RERE: variants seen among roughly 807,000 people sequenced by gnomAD.
RERE encodes arginine-glutamic acid dipeptide repeats, also known as arginine-glutamic acid dipeptide repeats protein.
RERE carries 40 observed loss-of-function variants against 146.1 expected under a neutral mutation model. The observed-to-expected ratio is 0.27, with a 90% CI of 0.21 to 0.36. The LOEUF is 0.36. Ranked by LOEUF, RERE falls within the 10% of genes least tolerant of loss-of-function variation. RERE has a pLI of 1.00. For synonymous variants in RERE, 1,003 were observed against 866.0 expected (o/e 1.16, Z -2.78); for missense variants, 1,933 against 2,138.7 (o/e 0.90, Z 1.90).
At chr1:8,458,475 A>G (rs1416372599) in intron 11 of RERE, among the ~76,000 whole-genome samples, 1 of 152,202 alleles carries the variant, frequency 6.6e-6, no homozygotes, top group African/African-American at 2.4e-5. Context: ...GATTATCCCA[A>G]GCAGCCAGGA....
At chr1:8,809,628 T>C (rs1403480732) in intron 1 of RERE, among the ~76,000 whole-genome samples, 1 of 152,206 alleles carries the variant, frequency 6.6e-6, no homozygotes, top group African/African-American at 2.4e-5. Flanking sequence ...CTCACAGAGG[T>C]TAACTGGCAT....
intron 2 of RERE, among the ~76,000 whole-genome samples, chr1:8,626,690 A>G (rs1459885748): frequency 6.6e-6 from 1 of 152,116 alleles, no homozygotes; most frequent in East Asian, 1.9e-4. Context: ...CTTCTCCTCC[A>G]CACAGAAACA....
rs534290626 is a variant in RERE, at chr1:8,445,793, G to A, written c.1203+20132C>T. Among the ~76,000 whole-genome samples the A allele has an allele frequency of 2.0e-5, 3 of 151,930 alleles. No homozygotes were observed. In the South Asian group the frequency reaches 6.2e-4, roughly 32 times the overall value. ...CCCATCAACCCATCATCTACATTAG[G>A]TATTTTTCCTAATGCTATCCCTCCC... On this transcript the variant is annotated intron_variant, in intron 11 of 22. Transcript: ENST00000400908.
intron 2 of RERE, among the ~76,000 whole-genome samples, chr1:8,652,109 G>A (rs1030183164): frequency 1.3e-5 from 2 of 152,200 alleles, no homozygotes; most frequent in Admixed American, 6.5e-5. Context: ...TCACCAAAAC[G>A]AAAGGAAACC....
intron 4 of RERE, among the ~76,000 whole-genome samples, chr1:8,608,320 T>C (rs922319086): frequency 2.0e-5 from 3 of 152,120 alleles, no homozygotes; most frequent in South Asian, 2.1e-4. Flanking sequence ...CTGGGCAACA[T>C]AGGGAGACCC....
intron 1 of RERE, among the ~76,000 whole-genome samples, chr1:8,770,024 A>C (rs1440758007): frequency 2.0e-5 from 3 of 152,156 alleles, no homozygotes; most frequent in Non-Finnish European, 2.9e-5. Context: ...TCCCGACCTC[A>C]GGTAATCCAC....
chr1:8,789,707 C>T (rs1381951677), intron 1 of RERE, among the ~76,000 whole-genome samples: 1 of 152,140 alleles, frequency 6.6e-6, no homozygotes, highest in Non-Finnish European at 1.5e-5. Flanking sequence ...TTCCTCCCCA[C>T]AAATTCTGTA....
intron 10 of RERE, among the ~76,000 whole-genome samples, chr1:8,476,931 A>G (rs1644764344): frequency 6.6e-6 from 1 of 152,230 alleles, no homozygotes; most frequent in Non-Finnish European, 1.5e-5. Flanking sequence ...AAATGGTAAT[A>G]ATGTTAATAC....
intron 7 of RERE, among the ~76,000 whole-genome samples, chr1:8,518,443 T>G (rs1645449201): frequency 6.6e-6 from 1 of 152,206 alleles, no homozygotes; most frequent in Admixed American, 6.5e-5. Context: ...GCAGACATTC[T>G]TATCTTTTCC....
intron 1 of RERE, among the ~76,000 whole-genome samples, chr1:8,665,952 C>T (rs74050266): frequency 0.026 from 3,939 of 152,220 alleles, 155 homozygotes; most frequent in African/African-American, 0.089. Context: ...TATATCTTAT[C>T]AATGCAAAAG....
intron 11 of RERE, among the ~76,000 whole-genome samples, chr1:8,461,947 C>T (rs1170690183): frequency 6.6e-6 from 1 of 152,044 alleles, no homozygotes. Context: ...TGGACTCAAG[C>T]GATTCTCCAA....
intron 2 of RERE, among the ~76,000 whole-genome samples, chr1:8,645,926 A>G (rs975909849): frequency 2.0e-5 from 3 of 152,386 alleles, no homozygotes; most frequent in Middle Eastern, 3.4e-3. Context: ...ATTTCAAAAG[A>G]AACAGAAGAA....
In RERE at chr1:8,359,886, C is replaced by G. The variant is rs776682037; in HGVS notation, c.3496G>C (p.Ala1166Pro). The change falls in exon 19 of 23, where the codon GCC (alanine) becomes CCC (proline). Residue 1166 changes from alanine (A) to proline (P), a missense_variant. Ala to Pro is a conservative substitution (Grantham distance 27). Coordinates refer to ENST00000400908, the MANE Select transcript of RERE (RefSeq NM_001042681.2). ...GCCTCGCGCTTGGCCTTCTCAATGG[C>G]CTCCTCCCTCTTCTTGGCCAGCTTG... ...GSKLAKKREE[A>P]IEKAKREAEQ... 6.2e-7 allele frequency: 1 copy of G among 1,613,152 alleles called. No individual in the cohort carries two copies. The highest frequency in any genetic ancestry group is 1.1e-5 in the South Asian group (1 of 91,088).
intron 11 of RERE, among the ~76,000 whole-genome samples, chr1:8,442,836 G>C (rs1284712400): frequency 6.6e-6 from 1 of 152,216 alleles, no homozygotes; most frequent in African/African-American, 2.4e-5. Context: ...GATACGGACA[G>C]TGAAGACCAG....
chr1:8,685,567 C>T (rs1342559124), intron 1 of RERE, among the ~76,000 whole-genome samples: 1 of 151,842 alleles, frequency 6.6e-6, no homozygotes, highest in Admixed American at 6.6e-5. Context: ...TAAAAACACA[C>T]ACACAAAAAA....
In RERE at chr1:8,614,767, C is replaced by T. The variant is rs531643025; in HGVS notation, c.397-81G>A. 4.6e-5 allele frequency: 68 copies of T among 1,470,294 alleles called. No homozygotes were observed. The African/African-American group carries it at 8.5e-4, about 18-fold the overall frequency. 91.1% of individuals were successfully genotyped at this position (1,470,294 alleles called of 1,614,324 possible). ...TATTAGGGGCACGCAGCACACAAGT[C>T]GGTATCTGCAAAAACTCTTTAGCAG... On this transcript the variant is annotated intron_variant, in intron 3 of 22. Transcript: ENST00000400908.
intron 1 of RERE, among the ~76,000 whole-genome samples, chr1:8,680,527 G>T (rs1638940065): frequency 6.6e-6 from 1 of 152,120 alleles, no homozygotes; most frequent in Non-Finnish European, 1.5e-5. Flanking sequence ...AGCAATTCAA[G>T]AACAAGGACG....
intron 12 of RERE, among the ~76,000 whole-genome samples, chr1:8,372,882 A>C (rs150158663): frequency 1.9e-3 from 285 of 152,320 alleles, no homozygotes; most frequent in African/African-American, 6.7e-3. Context: ...CGAAGTTTCC[A>C]ATGGGCACCC....
intron 1 of RERE, among the ~76,000 whole-genome samples, chr1:8,701,505 C>A (rs779452211): frequency 6.6e-6 from 1 of 152,140 alleles, no homozygotes; most frequent in South Asian, 2.1e-4. Context: ...ATCTAAACGG[C>A]CTTTTTCTGG....
Sources: allele counts gnomAD v4.1 joint callset (sites outside exome capture counted in the v4.1 genomes callset), GRCh38; gene constraint gnomAD v4.1.1; transcripts MANE v1.5; gene names NCBI Gene and HGNC (gene_info 2026-07-23, HGNC 2026-07-21).